Variants in KHDRBS2 observed in about 807,000 individuals in gnomAD.
KHDRBS2 encodes KH domain-containing, RNA-binding, signal transduction-associated protein 2.
KHDRBS2 carries 26 observed loss-of-function variants against 44.3 expected under a neutral mutation model. The ratio of observed to expected loss-of-function variants is 0.59; its 90% confidence interval spans 0.43 to 0.81. The LOEUF (loss-of-function observed/expected upper bound fraction) is 0.81, where lower values mean the gene tolerates loss of function less well. Among genes scored for constraint, KHDRBS2 ranks in the 40% least tolerant of loss-of-function variants. KHDRBS2 has a pLI of 0.00. For missense variants in KHDRBS2, 476 were observed against 433.1 expected, an observed-to-expected ratio of 1.10 and a Z score of -0.88; for synonymous variants, 194 against 151.1, an observed-to-expected ratio of 1.28 and a Z score of -2.08.
At chr6:61,869,526 A>G (rs1450442138) in intron 6 of KHDRBS2, among the ~76,000 whole-genome samples, 1 of 152,220 alleles carries the variant, frequency 6.6e-6, no homozygotes, top group Non-Finnish European at 1.5e-5. Context: ...AAGGTTTGCA[A>G]GCAAGAAGAC....
At chr6:62,017,470 A>C (rs999556557) in intron 3 of KHDRBS2, among the ~76,000 whole-genome samples, 1 of 152,284 alleles carries the variant, frequency 6.6e-6, no homozygotes, top group Non-Finnish European at 1.5e-5. Context: ...TATATGAGAA[A>C]AAAATAATGC....
chr6:62,004,920 T>C (rs866556437), intron 3 of KHDRBS2, among the ~76,000 whole-genome samples: 13 of 152,240 alleles, frequency 8.5e-5, no homozygotes, highest in Middle Eastern at 6.8e-3. Flanking sequence ...AACCACATGA[T>C]TTTCTCAACA....
At chr6:62,088,979 C>A (rs1466252016) in intron 2 of KHDRBS2, among the ~76,000 whole-genome samples, 1 of 152,078 alleles carries the variant, frequency 6.6e-6, no homozygotes, top group Non-Finnish European at 1.5e-5. Flanking sequence ...TGGCAGTGGG[C>A]TCCACCCAGT....
chr6:61,777,875 G>A (rs183410648), intron 6 of KHDRBS2, among the ~76,000 whole-genome samples: 6 of 151,926 alleles, frequency 3.9e-5, no homozygotes, highest in East Asian at 1.9e-4. Context: ...TTTTAGGTTC[G>A]AGGTACATGT....
intron 8 of KHDRBS2, among the ~76,000 whole-genome samples, chr6:61,693,419 C>T (rs1456874671): frequency 1.3e-5 from 2 of 152,118 alleles, no homozygotes; most frequent in Non-Finnish European, 2.9e-5. Context: ...TGTCCTTGCT[C>T]TATTGCCTGC....
the KHDRBS2 span, among the ~76,000 whole-genome samples, chr6:61,569,738 T>C: frequency 1.3e-5 from 2 of 152,060 alleles, no homozygotes; most frequent in African/African-American, 4.8e-5. Context: ...TGAAGACAGA[T>C]CTCATTACAG....
intron 2 of KHDRBS2, among the ~76,000 whole-genome samples, chr6:62,168,488 G>A (rs776469828): frequency 1.4e-4 from 22 of 152,160 alleles, no homozygotes; most frequent in Middle Eastern, 6.8e-3. Context: ...ATGGTCTCTC[G>A]GTTTACCCAG....
At chr6:61,909,327 C>T (rs751721939) in intron 4 of KHDRBS2, among the ~76,000 whole-genome samples, 1 of 152,074 alleles carries the variant, frequency 6.6e-6, no homozygotes, top group Non-Finnish European at 1.5e-5. Flanking sequence ...TCTCAGCCTC[C>T]CAAAATGCTG....
In KHDRBS2 at chr6:61,751,148, A is replaced by C. The variant is rs148214479; in HGVS notation, c.811-18384T>G. On this transcript the variant is annotated intron_variant, in intron 6 of 8. Coordinates refer to ENST00000281156, the MANE Select transcript of KHDRBS2 (RefSeq NM_152688.4). ...TAACCTTGTATGATTTCTAAAGTAA[A>C]ATTGTGACAGTCTAAAGGAACAGTG... 1.4e-3 allele frequency among the ~76,000 whole-genome samples: 207 copies of C among 152,292 alleles called. 2 individuals carry two copies. Among genetic ancestry groups the C allele is most frequent in the Non-Finnish European group, 2.3e-3 (158 of 68,008 alleles).
chr6:61,738,623 G>A (rs532138846), intron 6 of KHDRBS2, among the ~76,000 whole-genome samples: 2 of 151,982 alleles, frequency 1.3e-5, no homozygotes, highest in South Asian at 2.1e-4. Flanking sequence ...ACCACTTCAC[G>A]CATTTGGGTA....
chr6:61,961,665 C>T (rs1455510849), intron 4 of KHDRBS2, among the ~76,000 whole-genome samples: 3 of 151,994 alleles, frequency 2.0e-5, no homozygotes, highest in East Asian at 1.9e-4. Context: ...CTCAAAGACC[C>T]TAAGGAGAGA....
At chr6:61,556,153 A>G in the KHDRBS2 span, among the ~76,000 whole-genome samples, 3 of 152,098 alleles carry the variant, frequency 2.0e-5, no homozygotes, top group Non-Finnish European at 2.9e-5. Context: ...GTCCATGCGC[A>G]TTCACTCCTG....
At chr6:61,775,211 A>T (rs1194391494) in intron 6 of KHDRBS2, among the ~76,000 whole-genome samples, 1 of 152,126 alleles carries the variant, frequency 6.6e-6, no homozygotes, top group Non-Finnish European at 1.5e-5. Flanking sequence ...AACTGGAAGC[A>T]TTCCCTTTGA....
intron 4 of KHDRBS2, among the ~76,000 whole-genome samples, chr6:61,918,280 G>A (rs1293876837): frequency 6.6e-5 from 10 of 151,858 alleles, no homozygotes; most frequent in Non-Finnish European, 1.3e-4. Context: ...ATAGCTCATA[G>A]ATGCCTAAAT....
At chr6:62,184,046 T>G (rs1344351392) in intron 1 of KHDRBS2, among the ~76,000 whole-genome samples, 1 of 151,764 alleles carries the variant, frequency 6.6e-6, no homozygotes, top group Non-Finnish European at 1.5e-5. Context: ...TGCATTTTGC[T>G]TTTTGTATTT....
chr6:62,233,574 T>C (rs1833217531), intron 1 of KHDRBS2, among the ~76,000 whole-genome samples: 1 of 152,150 alleles, frequency 6.6e-6, no homozygotes, highest in African/African-American at 2.4e-5. Flanking sequence ...TTGTACAGAT[T>C]ATTTCATCAC....
intron 1 of KHDRBS2, among the ~76,000 whole-genome samples, chr6:62,184,094 G>T (rs1049396923): frequency 2.8e-4 from 43 of 151,540 alleles, no homozygotes; most frequent in Non-Finnish European, 3.4e-4. Context: ...AGTGTTAATA[G>T]AATAGAATAA....
intron 7 of KHDRBS2, among the ~76,000 whole-genome samples, chr6:61,698,460 A>T (rs774084984): frequency 1.3e-5 from 2 of 152,118 alleles, no homozygotes; most frequent in Non-Finnish European, 2.9e-5. Context: ...GCTATCACTG[A>T]GTTAAAGTTA....
At chr6:61,619,318 C>T in the KHDRBS2 span, among the ~76,000 whole-genome samples, 6 of 148,948 alleles carry the variant, frequency 4.0e-5, no homozygotes, top group South Asian at 2.3e-4. Context: ...CCTCCGTGTA[C>T]TCATAGCTTA....
Sources: gnomAD v4.1 joint callset for allele counts (sites outside exome capture counted in the v4.1 genomes callset) on GRCh38, gnomAD v4.1.1 for gene constraint, MANE v1.5 for transcripts, NCBI Gene and HGNC (gene_info 2026-07-23, HGNC 2026-07-21) for gene names.